Variants in PCDHGA11 observed in about 807,000 individuals in gnomAD.
PCDHGA11 encodes the protein protocadherin gamma-A11.
In PCDHGA11, 39 loss-of-function variants were observed where a neutral mutation model predicts 60.4. The observed-to-expected ratio is 0.65, with a 90% CI of 0.50 to 0.84. The LOEUF (loss-of-function observed/expected upper bound fraction) is 0.84, where lower values mean the gene tolerates loss of function less well. Ranked by LOEUF, PCDHGA11 falls within the 40% of genes least tolerant of loss-of-function variation. The pLI is 0.00. For missense variants in PCDHGA11, 1,165 were observed against 1,197.7 expected, an observed-to-expected ratio of 0.97 and a Z score of 0.40; for synonymous variants, 533 against 510.3, an observed-to-expected ratio of 1.04 and a Z score of -0.60.
Position 141,489,564 on chromosome 5 carries a change from G to A in PCDHGA11, c.2434-5243G>A, listed in dbSNP as rs375200685. The A allele has an allele frequency of 1.9e-6, 3 of 1,613,980 alleles. No homozygotes were observed. Among genetic ancestry groups the A allele is most frequent in the Non-Finnish European group, 1.7e-6 (2 of 1,180,020 alleles). On this transcript the variant is annotated intron_variant, in intron 1 of 3. Transcript: ENST00000398587. This position sits in a 1 kb window ranked among gnomAD's most constrained non-coding sequence, Gnocchi z 4.5. Reference sequence around the variant, plus strand: ...CCAGCTGCCTGCTGCCAGTGCAGGTGGTGACTGAACACCCCCTGGAGCTAA... The same window carrying A: ...CCAGCTGCCTGCTGCCAGTGCAGGTAGTGACTGAACACCCCCTGGAGCTAA...
rs2099416627 is a variant in PCDHGA11 at position 141,477,726 on chromosome 5, C to T, written c.2434-17081C>T. 6.2e-7 allele frequency: 1 copy of T among 1,613,822 alleles called. No homozygotes were observed. The highest frequency in any genetic ancestry group is 8.5e-7 in the Non-Finnish European group (1 of 1,180,020). ...GATCGGCGGGAATTTGAATTAACAG[C>T]TCATATCAGCGATGGGGGCACCCCG... On this transcript the variant is annotated intron_variant, in intron 1 of 3. Coordinates refer to ENST00000398587, the MANE Select transcript of PCDHGA11 (RefSeq NM_018914.3). This position sits in a 1 kb window ranked among gnomAD's most constrained non-coding sequence, Gnocchi z 4.9.
At chr5:141,500,260 C>G (rs2099798502) in intron 2 of PCDHGA11, among the ~76,000 whole-genome samples, 3 of 151,104 alleles carry the variant, frequency 2.0e-5, no homozygotes, top group African/African-American at 2.4e-5. Flanking sequence ...CCAGGCTGGA[C>G]TGCAGTGGCG....
intron 1 of PCDHGA11, chr5:141,441,978 A>T (rs769977785): frequency 9.1e-5 from 26 of 285,248 alleles, no homozygotes; most frequent in Non-Finnish European, 1.8e-4. Flanking sequence ...TCAGCCTGGA[A>T]TGCGCACCGA....
chr5:141,438,627 T>C (rs55817844), intron 1 of PCDHGA11, among the ~76,000 whole-genome samples: 510 of 47,978 alleles, frequency 0.011, 3 homozygotes, highest in Admixed American at 0.017. Context: ...TATATATATA[T>C]ATATATATAC....
rs776258973 is a variant in PCDHGA11, at chr5:141,489,877, A to G, written c.2434-4930A>G. 1.2e-6 allele frequency: 2 copies of G among 1,614,230 alleles called. No individual in the cohort carries two copies. The highest frequency in any genetic ancestry group is 2.2e-5 in the South Asian group (2 of 91,090). Reference sequence around the variant, plus strand: ...CCAGGCAAGACATCAGCTGGTGCTTACTGCTGTGGATGGGGGGACCCCAGC... The same window carrying G: ...CCAGGCAAGACATCAGCTGGTGCTTGCTGCTGTGGATGGGGGGACCCCAGC... On this transcript the variant is annotated intron_variant, in intron 1 of 3. Coordinates refer to ENST00000398587, the MANE Select transcript of PCDHGA11 (RefSeq NM_018914.3). This position sits in a 1 kb window ranked among gnomAD's most constrained non-coding sequence, Gnocchi z 4.5.
intron 1 of PCDHGA11, among the ~76,000 whole-genome samples, chr5:141,464,723 T>A (rs1166321691): frequency 6.6e-6 from 1 of 152,156 alleles, no homozygotes; most frequent in Non-Finnish European, 1.5e-5. Flanking sequence ...TTTCATATGT[T>A]TAAAAGCCAG....
At chr5:141,455,058 C>G (rs1350223657) in intron 1 of PCDHGA11, among the ~76,000 whole-genome samples, 9 of 151,814 alleles carry the variant, frequency 5.9e-5, no homozygotes, top group Admixed American at 5.9e-4. Context: ...GTGATCCGCC[C>G]GCCTCGGCCT....
chr5:141,472,454 C>T (rs538141635), intron 1 of PCDHGA11, among the ~76,000 whole-genome samples: 3 of 151,192 alleles, frequency 2.0e-5, no homozygotes, highest in South Asian at 4.2e-4. Context: ...GCAGGAGAAT[C>T]GCTTGAACCC....
rs2096564985 is a variant in PCDHGA11, at chr5:141,421,335, G to A, written c.108G>A (p.Val36=). 1.2e-6 allele frequency: 2 copies of A among 1,613,944 alleles called. No homozygotes were observed. Among genetic ancestry groups the A allele is most frequent in the Non-Finnish European group, 8.5e-7 (1 of 1,179,894 alleles). Reference sequence around the variant, plus strand: ...GGGCCAGGCAGATCCGATATTCGGTGCCAGAAGAGACCGAAAAGGGCTCCT... The same window carrying A: ...GGGCCAGGCAGATCCGATATTCGGTACCAGAAGAGACCGAAAAGGGCTCCT... ...GFRARQIRYS[V]PEETEKGSFV... Residue 36 remains valine, a synonymous_variant, in exon 1 of 4, where the codon GTG becomes GTA. Coordinates refer to ENST00000398587, the MANE Select transcript of PCDHGA11 (RefSeq NM_018914.3).
Position 141,476,708 on chromosome 5 carries a change from T to C in PCDHGA11, c.2434-18099T>C, listed in dbSNP as rs1205987380. The C allele has an allele frequency of 1.2e-6, 2 of 1,614,150 alleles. No homozygotes were observed. The highest frequency in any genetic ancestry group is 8.5e-7 in the Non-Finnish European group (1 of 1,180,024). ...CAGCACCAAGTACGCGGAGCTGGTG[T>C]TGGAGCGCGCCCTGGACCGAGAACG... On this transcript the variant is annotated intron_variant, in intron 1 of 3. Coordinates refer to ENST00000398587, the MANE Select transcript of PCDHGA11 (RefSeq NM_018914.3). The surrounding 1 kb of genome is among the most constrained non-coding windows in gnomAD (Gnocchi z 7.6).
intron 1 of PCDHGA11, among the ~76,000 whole-genome samples, chr5:141,450,093 G>A (rs1330425383): frequency 2.8e-5 from 4 of 143,748 alleles, no homozygotes; most frequent in East Asian, 2.1e-4. Context: ...TGCAACCTCC[G>A]CCTCCCAGGT....
Position 141,436,609 on chromosome 5 carries a change from A to G in PCDHGA11, c.2433+12949A>G, listed in dbSNP as rs182981534. On this transcript the variant is annotated intron_variant, in intron 1 of 3. Coordinates refer to ENST00000398587, the MANE Select transcript of PCDHGA11 (RefSeq NM_018914.3). ...AAAGGTCGTGGTGATGGCTAGGGCT[A>G]ACAAAAATCTGATTCACAACATGCA... Among the ~76,000 whole-genome samples, 5 of 152,334 alleles carry G rather than the reference A, an allele frequency of 3.3e-5. No homozygotes were observed. The East Asian group carries it at 5.8e-4, about 18-fold the overall frequency.
intron 1 of PCDHGA11, 90 bp downstream of exon 1, chr5:141,423,750 TGGGGG>T: frequency 5.2e-5 from 15 of 287,416 alleles, no homozygotes; most frequent in Non-Finnish European, 6.3e-5. Context: ...GAAAACTGTT[TGGGGG>T]GGGGGTGGGG....
intron 1 of PCDHGA11, among the ~76,000 whole-genome samples, chr5:141,443,210 G>A (rs142248407): frequency 3.2e-4 from 49 of 151,888 alleles, no homozygotes; most frequent in African/African-American, 9.4e-4. Context: ...AGCTTGTCTC[G>A]CCAGGCGCAT....
At chr5:141,466,556 T>C (rs1398776914) in intron 1 of PCDHGA11, among the ~76,000 whole-genome samples, 1 of 152,222 alleles carries the variant, frequency 6.6e-6, no homozygotes, top group Non-Finnish European at 1.5e-5. Context: ...TGCTGTGGGC[T>C]TCATCTTCAA....
chr5:141,443,317 C>CAAA (rs35054295), intron 1 of PCDHGA11, among the ~76,000 whole-genome samples: 8 of 142,020 alleles, frequency 5.6e-5, no homozygotes, highest in African/African-American at 2.1e-4. Context: ...CCCATCTCTA[C>CAAA]AAAAAAAAAA....
In PCDHGA11 at chr5:141,485,275, G is replaced by C. The variant is rs77402299; in HGVS notation, c.2434-9532G>C. ...ACGTTTGTGGGCAGATCCGCTACCC[G>C]GTCCCAGAGGAGTCACAGGAAGGGA... On this transcript the variant is annotated intron_variant, in intron 1 of 3. Transcript: ENST00000398587. The surrounding 1 kb of genome is among the most constrained non-coding windows in gnomAD (Gnocchi z 5.7). The C allele has an allele frequency of 2.5e-6, 4 of 1,614,072 alleles. No individual in the cohort carries two copies. Among genetic ancestry groups the C allele is most frequent in the Admixed American group, 1.7e-5 (1 of 60,024 alleles).
intron 3 of PCDHGA11, among the ~76,000 whole-genome samples, chr5:141,510,214 A>G (rs1047332886): frequency 6.6e-6 from 1 of 151,406 alleles, no homozygotes; most frequent in Non-Finnish European, 1.5e-5. Context: ...CAGAGGTTGC[A>G]GTGAGCCGGG....
At chr5:141,509,669 G>GAGAA (rs2099877764) in intron 3 of PCDHGA11, among the ~76,000 whole-genome samples, 1 of 152,180 alleles carries the variant, frequency 6.6e-6, no homozygotes, top group African/African-American at 2.4e-5. Flanking sequence ...CTGGGCCCCA[G>GAGAA]TTTCTTCTTC....
Sources: allele counts gnomAD v4.1 joint callset (sites outside exome capture counted in the v4.1 genomes callset), GRCh38; gene constraint gnomAD v4.1.1; non-coding constraint Gnocchi (gnomAD v3.1); transcripts MANE v1.5; gene names NCBI Gene and HGNC (gene_info 2026-07-23, HGNC 2026-07-21).